PLEC: variants seen among roughly 807,000 people sequenced by gnomAD.
PLEC encodes the protein hemidesmosomal protein 1.
In PLEC, 216 loss-of-function variants were observed where a neutral mutation model predicts 392.8. That is an observed-to-expected ratio of 0.55 (90% CI 0.49 to 0.62). PLEC has a LOEUF of 0.62. Among genes scored for constraint, PLEC ranks in the 20% least tolerant of loss-of-function variants. The pLI, the probability that PLEC is intolerant of heterozygous loss-of-function variation, is 0.00. For synonymous variants in PLEC, 3,621 were observed against 2,980.6 expected (o/e 1.21, Z -7.00); for missense variants, 6,863 against 6,563.4 (o/e 1.05, Z -1.58).
Position 143,922,699 on chromosome 8 carries a change from C to T in PLEC, c.7230G>A (p.Ala2410=), listed in dbSNP as rs201578404. Residue 2410 remains alanine (A), a synonymous_variant, in exon 31 of 32, where the codon GCG becomes GCA. Transcript: ENST00000345136. ...EEDAQRFRKQ[A]EEIGEKLHRT... ...GGTGCAGCTTCTCACCGATCTCCTC[C>T]GCCTGCTTCCGGAAGCGCTGGGCGT... The T allele has an allele frequency of 6.3e-5, 102 of 1,612,724 alleles. No homozygotes were observed. Among genetic ancestry groups the T allele is most frequent in the Middle Eastern group, 1.7e-4 (1 of 5,852 alleles).
upstream of PLEC, among the ~76,000 whole-genome samples, chr8:143,956,559 G>A (rs782487214): frequency 2.6e-5 from 4 of 152,202 alleles, no homozygotes; most frequent in Non-Finnish European, 5.9e-5. Context: ...GAGCAAGACT[G>A]ACTCGAAAAC....
intron 1 of PLEC, among the ~76,000 whole-genome samples, chr8:143,971,137 C>G (rs1554744201): frequency 6.6e-6 from 1 of 151,978 alleles, no homozygotes; most frequent in African/African-American, 2.4e-5. Context: ...AGGGGAGGGT[C>G]TGAGACGTTG....
rs1825628537 is a variant in PLEC at position 143,927,431 on chromosome 8, C to T, written c.3735G>A (p.Arg1245=). The T allele has an allele frequency of 2.5e-6, 4 of 1,601,446 alleles. No individual in the cohort carries two copies. The highest frequency in any genetic ancestry group is 3.4e-6 in the Non-Finnish European group (4 of 1,178,802). Residue 1245 remains arginine, a synonymous_variant, in exon 27 of 32, where the codon CGG becomes CGA. Coordinates refer to ENST00000345136, the MANE Select transcript of PLEC (RefSeq NM_201384.3). ...AMPLADSQAV[R]EQLRQEQALL... ...CCACCTGCTCCTGCCGCAGCTGCTC[C>T]CGCACAGCCTGGCTGTCGGCCAGCG...
rs1554669959 is a variant in PLEC, at chr8:143,916,715, G to A, written c.13106C>T (p.Ser4369Leu). Residue 4369 changes from serine (S) to leucine (L), a missense_variant, in exon 32 of 32, where the codon TCG (serine) becomes TTG (leucine). Coordinates refer to ENST00000345136, the MANE Select transcript of PLEC (RefSeq NM_201384.3). ...FEDPRTKTKM[S>L]AAQALKKGWL... ...GCCCTTCTTCAGGGCCTGGGCGGCC[G>A]ACATCTTGGTCTTGGTGCGTGGGTC... The A allele has an allele frequency of 4.3e-6, 7 of 1,612,802 alleles. No individual in the cohort carries two copies. Among genetic ancestry groups the A allele is most frequent in the Admixed American group, 1.7e-5 (1 of 60,006 alleles).
rs782642495 is a variant in PLEC, at chr8:143,924,307, G to A, written c.5622C>T (p.Ala1874=). 4 of 1,595,046 alleles carry A rather than the reference G, an allele frequency of 2.5e-6. No homozygotes were observed. Among genetic ancestry groups the A allele is most frequent in the Non-Finnish European group, 1.7e-6 (2 of 1,177,974 alleles). The part of the protein sequence containing the change: ...ERLRRLAEDE[A]FQRRRLEEQA... ...GCTCCTCCAGCCGCCGCCGCTGGAAGGCCTCGTCCTCCGCCAGCCGCCGCA... is the reference window on the plus strand; with the variant it reads ...GCTCCTCCAGCCGCCGCCGCTGGAAAGCCTCGTCCTCCGCCAGCCGCCGCA... Residue 1874 remains alanine, a synonymous_variant, in exon 31 of 32, where the codon GCC becomes GCT. Coordinates refer to ENST00000345136, the MANE Select transcript of PLEC (RefSeq NM_201384.3).
In PLEC at chr8:143,921,915, G is replaced by A. The variant is rs781931892; in HGVS notation, c.7906C>T (p.Pro2636Ser). 3.1e-6 allele frequency: 5 copies of A among 1,599,750 alleles called. No individual in the cohort carries two copies. The highest frequency in any genetic ancestry group is 4.2e-6 in the Non-Finnish European group (5 of 1,179,794). ...TGCTCCGGCTCTGCCTCTGCCGCGG[G>A]GCCATCAAGTGCATCCCGGCCATTG... ...LPNGRDALDGPAAEAEPEHSF... is the reference protein window; with the variant it reads ...LPNGRDALDGSAAEAEPEHSF... Residue 2636 changes from proline (P) to serine (S), a missense_variant, in exon 32 of 32, where the codon CCC becomes TCC. Transcript: ENST00000345136.
At position 143,923,706 on chromosome 8, in the gene PLEC, C is replaced by G; in HGVS notation, c.6223G>C (p.Val2075Leu). 1 of 1,545,160 alleles carries G rather than the reference C, an allele frequency of 6.5e-7. No individual in the cohort carries two copies. The highest frequency in any genetic ancestry group is 8.7e-7 in the Non-Finnish European group (1 of 1,151,558). Residue 2075 changes from valine (V) to leucine (L), a missense_variant, in exon 31 of 32, where the codon GTG (valine) becomes CTG (leucine). Physicochemically the swap from Val to Leu is conservative, Grantham distance 32. Transcript: ENST00000345136. The part of the protein sequence containing the change: ...LQQTLQQEQS[V>L]LDQLRGEAEA... ...GCCTCGCCGCGCAGCTGGTCCAGCA[C>G]GCTCTGCTCCTGCTGCAGCGTCTGC...
rs782457866 is a variant in PLEC at position 143,922,797 on chromosome 8, TCTCCAGCTGCCGCTGCCGCTCGGC to T, written c.7108_7131del (p.Ala2370_Glu2377del). On this transcript the variant is annotated inframe_deletion, in exon 31 of 32. Coordinates refer to ENST00000345136, the MANE Select transcript of PLEC (RefSeq NM_201384.3). ...TTGAGGCGCTCAGCCTCAGCGCTCA[TCTCCAGCTGCCGCTGCCGCTCGGC>T]CTCCAGCGTCCGCTGGAAGCCCTGC... The T allele has an allele frequency of 1.9e-6, 3 of 1,592,486 alleles. No homozygotes were observed. The highest frequency in any genetic ancestry group is 1.7e-6 in the Non-Finnish European group (2 of 1,172,772).
intron 1 of PLEC, chr8:143,946,218 G>C: frequency 1.8e-6 from 1 of 549,958 alleles, no homozygotes; most frequent in Middle Eastern, 4.4e-4. Context: ...AGCTCCGAGA[G>C]GGGGCTGTGC....
At chr8:143,933,414 G>T (rs1256452538) in intron 12 of PLEC, 63 bp from the exon 13 acceptor site, 1 of 1,587,146 alleles carries the variant, frequency 6.3e-7, no homozygotes, top group Non-Finnish European at 8.6e-7. Flanking sequence ...CAGGGGCCCC[G>T]GCCAAGACGG....
Position 143,947,001 on chromosome 8 carries a change from G to A in PLEC, c.523+3183C>T, listed in dbSNP as rs1831570963. Among the ~76,000 whole-genome samples, 3 of 152,128 alleles carry A rather than the reference G, an allele frequency of 2.0e-5. 1 individual carries two copies. In the South Asian group the frequency reaches 6.2e-4, roughly 32 times the overall value. On this transcript the variant is annotated intron_variant, in intron 1 of 31. Transcript: ENST00000322810. Reference sequence around the variant, plus strand: ...TCTCCACCCAGGTGCTTGCTGACCAGTGAAGTGCAAATCAAATCCCATCGT... The same window carrying A: ...TCTCCACCCAGGTGCTTGCTGACCAATGAAGTGCAAATCAAATCCCATCGT...
chr8:143,955,354 G>A (rs978039414), upstream of PLEC, among the ~76,000 whole-genome samples: 3 of 152,076 alleles, frequency 2.0e-5, no homozygotes, highest in Admixed American at 6.6e-5. Context: ...GGTGTCACAC[G>A]CCTGTAGCCC....
rs1554688294 is a variant in PLEC, at chr8:143,922,093, C to T, written c.7728G>A (p.Leu2576=). The T allele has an allele frequency of 6.4e-7, 1 of 1,563,990 alleles. No individual in the cohort carries two copies. The highest frequency in any genetic ancestry group is 8.6e-7 in the Non-Finnish European group (1 of 1,161,984). The change falls in exon 32 of 32, where the codon CTG becomes CTA. Residue 2576 remains leucine, a synonymous_variant. Coordinates refer to ENST00000345136, the MANE Select transcript of PLEC (RefSeq NM_201384.3). The part of the protein sequence containing the change: ...VRRKQEELQQ[L]EQQRRQQEEL... Reference sequence around the variant, plus strand: ...CCTCCTGCTGCCGCCGCTGCTGCTCCAGCTGCTGCAGCTCCTCCTGCTTGC... The same window carrying T: ...CCTCCTGCTGCCGCCGCTGCTGCTCTAGCTGCTGCAGCTCCTCCTGCTTGC...
intron 1 of PLEC, among the ~76,000 whole-genome samples, chr8:143,972,416 G>A (rs890800842): frequency 6.6e-6 from 1 of 152,164 alleles, no homozygotes; most frequent in African/African-American, 2.4e-5. Context: ...CCCCAGAGCC[G>A]TCGCTGGAGG....
intron 25 of PLEC, among the ~76,000 whole-genome samples, chr8:143,928,869 C>T (rs1443489973): frequency 6.6e-6 from 1 of 152,184 alleles, no homozygotes; most frequent in Non-Finnish European, 1.5e-5. Flanking sequence ...CTCTTCCCCA[C>T]ACCCGAATCT....
chr8:143,941,909 C>A (rs1830528368), upstream of PLEC, among the ~76,000 whole-genome samples: 1 of 152,198 alleles, frequency 6.6e-6, no homozygotes, highest in African/African-American at 2.4e-5. Context: ...CAGGCACTGC[C>A]GTGGCCCTCT....
rs1554707189 is a variant in PLEC at position 143,927,339 on chromosome 8, G to A, written c.3757-4C>T. 6.2e-7 allele frequency: 1 copy of A among 1,612,860 alleles called. No individual in the cohort carries two copies. The highest frequency in any genetic ancestry group is 8.5e-7 in the Non-Finnish European group (1 of 1,179,890). On this transcript the variant is annotated splice_polypyrimidine_tract_variant and splice_region_variant and intron_variant, in intron 27 of 31. Coordinates refer to ENST00000345136, the MANE Select transcript of PLEC (RefSeq NM_201384.3). ...GCTCGATCTCCTCCAGCAGGGCCTG[G>A]GTGATGGTGTGGTCAGAGCCGTGGC...
At chr8:143,963,034 T>C (rs551811323) in intron 1 of PLEC, among the ~76,000 whole-genome samples, 10 of 152,310 alleles carry the variant, frequency 6.6e-5, no homozygotes, top group Non-Finnish European at 1.3e-4. Flanking sequence ...TTCACTCATC[T>C]CAACAGAAGC....
In PLEC at chr8:143,927,571, G is replaced by C. The variant is rs1564083000; in HGVS notation, c.3595C>G (p.Gln1199Glu). The C allele has an allele frequency of 1.3e-6, 2 of 1,590,894 alleles. No individual in the cohort carries two copies. The highest frequency in any genetic ancestry group is 1.7e-5 in the Admixed American group (1 of 59,040). ...CGGCCCAGTTGCTCGAGCTCGCGCTGCCGCACGTCGGTCTGGGCCAGCACA... is the reference window on the plus strand; with the variant it reads ...CGGCCCAGTTGCTCGAGCTCGCGCTCCCGCACGTCGGTCTGGGCCAGCACA... ...QAVLAQTDVR[Q>E]RELEQLGRQL... is the part of the protein sequence containing the mutation. Residue 1199 changes from glutamine to glutamate, a missense_variant, in exon 27 of 32, where the codon CAG (glutamine) becomes GAG (glutamate). Gln to Glu is a conservative substitution (Grantham distance 29, BLOSUM62 2). Coordinates refer to ENST00000345136, the MANE Select transcript of PLEC (RefSeq NM_201384.3).
Sources: allele counts gnomAD v4.1 joint callset (sites outside exome capture counted in the v4.1 genomes callset), GRCh38; gene constraint gnomAD v4.1.1; transcripts MANE v1.5; gene names NCBI Gene and HGNC (gene_info 2026-07-23, HGNC 2026-07-21).